Variants in BRINP3 observed in about 807,000 individuals in gnomAD.
BRINP3 encodes BMP/retinoic acid inducible neural specific 3, also known as BMP/retinoic acid-inducible neural-specific protein 3.
A neutral mutation model predicts 71.0 loss-of-function variants in BRINP3; 19 were observed. That is an observed-to-expected ratio of 0.27 (90% confidence interval 0.19 to 0.39). The LOEUF (loss-of-function observed/expected upper bound fraction) is 0.39. Among genes scored for constraint, BRINP3 ranks in the 10% least tolerant of loss-of-function variants. The probability of loss-of-function intolerance (pLI) is 1.00; values close to 1 mark genes in which losing one functional copy is unlikely to be tolerated. For synonymous variants in BRINP3, 380 were observed against 337.7 expected (o/e 1.13, Z -1.37); for missense variants, 959 against 940.8 (o/e 1.02, Z -0.25).
chr1:190,132,515 T>G (rs1195565643), intron 7 of BRINP3, among the ~76,000 whole-genome samples: 5 of 152,082 alleles, frequency 3.3e-5, no homozygotes, highest in African/African-American at 1.2e-4. Flanking sequence ...GTAAATTTCT[T>G]CAGAGCATAA....
chr1:190,443,053 T>A (rs1674941452), intron 2 of BRINP3, among the ~76,000 whole-genome samples: 2 of 151,556 alleles, frequency 1.3e-5, no homozygotes, highest in African/African-American at 4.8e-5. Context: ...GCTGGGACTA[T>A]GGGCGTGCGC....
chr1:190,119,226 A>G lies in BRINP3; in HGVS notation c.1185-20092T>C, dbSNP rs145288017. Among the ~76,000 whole-genome samples, 881 of 151,998 alleles carry G rather than the reference A, an allele frequency of 5.8e-3. 12 individuals are homozygous for G. Among genetic ancestry groups the G allele is most frequent in the African/African-American group, 0.02 (814 of 41,496 alleles). Reference sequence around the variant, plus strand: ...TTCCAAATCTTTAAAACATTACATTACATGAAAGATTTTTTCCATCTGTTT... The same window carrying G: ...TTCCAAATCTTTAAAACATTACATTGCATGAAAGATTTTTTCCATCTGTTT... On this transcript the variant is annotated intron_variant, in intron 7 of 7. Coordinates refer to ENST00000367462, the MANE Select transcript of BRINP3 (RefSeq NM_199051.3).
chr1:190,251,257 G>A (rs1660117244), intron 4 of BRINP3, among the ~76,000 whole-genome samples: 1 of 151,784 alleles, frequency 6.6e-6, no homozygotes, highest in Admixed American at 6.6e-5. Flanking sequence ...ATAACTATGA[G>A]CATAATTTTT....
At chr1:190,303,264 T>C (rs1050162303) in intron 2 of BRINP3, among the ~76,000 whole-genome samples, 1 of 151,728 alleles carries the variant, frequency 6.6e-6, no homozygotes, top group Non-Finnish European at 1.5e-5. Flanking sequence ...TTAAATGATA[T>C]AATGACTCTT....
chr1:190,312,612 AT>A (rs996586680), intron 2 of BRINP3, among the ~76,000 whole-genome samples: 1 of 151,682 alleles, frequency 6.6e-6, no homozygotes, highest in Non-Finnish European at 1.5e-5. Flanking sequence ...CTTTCTTATG[AT>A]TTTTTTCCCA....
At chr1:190,475,520 G>A (rs889973176) in intron 1 of BRINP3, among the ~76,000 whole-genome samples, 1 of 152,004 alleles carries the variant, frequency 6.6e-6, no homozygotes, top group African/African-American at 2.4e-5. Flanking sequence ...TCAGAGTAGG[G>A]GACACCTTTC....
At chr1:190,343,779 T>C (rs1667826046) in intron 2 of BRINP3, among the ~76,000 whole-genome samples, 1 of 151,604 alleles carries the variant, frequency 6.6e-6, no homozygotes, top group African/African-American at 2.4e-5. Context: ...AGAATCATAA[T>C]AAAATTATTT....
At chr1:190,358,711 C>T (rs183663753) in intron 2 of BRINP3, among the ~76,000 whole-genome samples, 60 of 152,162 alleles carry the variant, frequency 3.9e-4, no homozygotes, top group Non-Finnish European at 5.7e-4. Context: ...ACACATGACA[C>T]GTATGCTTAT....
At chr1:190,118,143 CA>C (rs1326791708) in intron 7 of BRINP3, among the ~76,000 whole-genome samples, 3 of 151,738 alleles carry the variant, frequency 2.0e-5, no homozygotes, top group Non-Finnish European at 4.4e-5. Flanking sequence ...CACACACACA[CA>C]CACAATATAA....
chr1:190,471,011 T>A (rs950298058), intron 1 of BRINP3, among the ~76,000 whole-genome samples: 1 of 151,210 alleles, frequency 6.6e-6, no homozygotes, highest in Non-Finnish European at 1.5e-5. Context: ...TAAAGGCTTA[T>A]AAAGTAAGCT....
chr1:190,452,613 C>T (rs1441096715), intron 2 of BRINP3, among the ~76,000 whole-genome samples: 1 of 152,188 alleles, frequency 6.6e-6, no homozygotes, highest in Non-Finnish European at 1.5e-5. Context: ...AATCCCAGCA[C>T]TTTAGGAGGC....
At chr1:190,306,535 T>C (rs1005291125) in intron 2 of BRINP3, among the ~76,000 whole-genome samples, 1 of 151,958 alleles carries the variant, frequency 6.6e-6, no homozygotes, top group Admixed American at 6.6e-5. Context: ...ATTTGTTGAA[T>C]TAAAGACTAA....
intron 2 of BRINP3, among the ~76,000 whole-genome samples, chr1:190,426,071 C>T (rs1053731382): frequency 1.3e-5 from 2 of 151,676 alleles, no homozygotes; most frequent in Admixed American, 6.6e-5. Context: ...ACATTCATAT[C>T]TTCAATATTA....
intron 2 of BRINP3, among the ~76,000 whole-genome samples, chr1:190,435,144 G>C (rs1674373575): frequency 6.6e-6 from 1 of 152,094 alleles, no homozygotes; most frequent in Non-Finnish European, 1.5e-5. Flanking sequence ...AACTGCATCA[G>C]TCCTCTCACA....
chr1:190,467,547 G>T (rs867460427), intron 1 of BRINP3, among the ~76,000 whole-genome samples: 2 of 151,392 alleles, frequency 1.3e-5, no homozygotes, highest in Admixed American at 1.3e-4. Context: ...AACTTACCCA[G>T]TTGACAGAGA....
At chr1:190,214,533 G>T (rs1020689569) in intron 6 of BRINP3, among the ~76,000 whole-genome samples, 1 of 151,986 alleles carries the variant, frequency 6.6e-6, no homozygotes, top group African/African-American at 2.4e-5. Flanking sequence ...AGGGAAAAAA[G>T]CCCTCCTTGA....
intron 2 of BRINP3, among the ~76,000 whole-genome samples, chr1:190,434,520 A>T (rs747227891): frequency 6.6e-6 from 1 of 152,054 alleles, no homozygotes; most frequent in African/African-American, 2.4e-5. Flanking sequence ...GATCCCAAAG[A>T]GCTTCTGTCT....
chr1:190,368,303 T>C (rs558803921), intron 2 of BRINP3, among the ~76,000 whole-genome samples: 1 of 151,922 alleles, frequency 6.6e-6, no homozygotes, highest in African/African-American at 2.4e-5. Context: ...TCAAATCTCA[T>C]GAGAAACGAC....
At chr1:190,268,819 T>G (rs533611569) in intron 3 of BRINP3, among the ~76,000 whole-genome samples, 5 of 152,214 alleles carry the variant, frequency 3.3e-5, no homozygotes, top group East Asian at 1.9e-4. Context: ...ACAAAAAATG[T>G]GAAACATACA....
Sources: allele counts gnomAD v4.1 joint callset (sites outside exome capture counted in the v4.1 genomes callset), GRCh38; gene constraint gnomAD v4.1.1; transcripts MANE v1.5; gene names NCBI Gene and HGNC (gene_info 2026-07-23, HGNC 2026-07-21).